PDE4D: variants seen among roughly 807,000 people sequenced by gnomAD.
The protein encoded by PDE4D is phosphodiesterase 4D.
PDE4D carries 24 observed loss-of-function variants against 87.4 expected under a neutral mutation model. The observed-to-expected ratio is 0.27, with a 90% CI of 0.20 to 0.39. PDE4D has a LOEUF of 0.39. Among genes scored for constraint, PDE4D ranks in the 10% least tolerant of loss-of-function variants. The pLI is 1.00. For missense variants in PDE4D, 714 were observed against 1,041.0 expected (o/e 0.69, Z 4.32); for synonymous variants, 384 against 383.2 (o/e 1.00, Z -0.02).
intron 2 of PDE4D, among the ~76,000 whole-genome samples, chr5:60,047,111 C>A (rs1769373284): frequency 1.3e-5 from 2 of 152,072 alleles, no homozygotes; most frequent in South Asian, 4.1e-4. Flanking sequence ...TGTGTGTGTC[C>A]AGGAATTTAT....
intron 1 of PDE4D, chr5:59,357,059 C>A (rs960628894): frequency 1.5e-5 from 7 of 463,358 alleles, no homozygotes; most frequent in Middle Eastern, 5.4e-4. Flanking sequence ...TGACACTTGG[C>A]CTTTGCGACA....
chr5:59,105,226 C>T (rs1028011406), intron 5 of PDE4D, among the ~76,000 whole-genome samples: 11 of 152,148 alleles, frequency 7.2e-5, no homozygotes, highest in Non-Finnish European at 1.3e-4. Flanking sequence ...TATGAGAAAC[C>T]GGGGCAGCAA....
chr5:59,280,145 AATATG>A (rs1765558010), intron 1 of PDE4D, among the ~76,000 whole-genome samples: 1 of 152,094 alleles, frequency 6.6e-6, no homozygotes, highest in African/African-American at 2.4e-5. Context: ...TTAGCCATAA[AATATG>A]ATAAGGTCTT....
At chr5:59,233,239 G>A (rs1344513583) in intron 1 of PDE4D, among the ~76,000 whole-genome samples, 5 of 151,988 alleles carry the variant, frequency 3.3e-5, no homozygotes, top group South Asian at 2.1e-4. Context: ...AATTTGTCTC[G>A]GTCATTATAC....
intron 1 of PDE4D, among the ~76,000 whole-genome samples, chr5:59,286,732 G>A (rs1281395081): frequency 6.6e-6 from 1 of 151,950 alleles, no homozygotes; most frequent in African/African-American, 2.4e-5. Context: ...ACATTCCCTG[G>A]CAACTACTAA....
At chr5:59,653,453 G>A (rs1411356178) in intron 1 of PDE4D, among the ~76,000 whole-genome samples, 1 of 152,126 alleles carries the variant, frequency 6.6e-6, no homozygotes, top group Non-Finnish European at 1.5e-5. Context: ...TTTTATGTGA[G>A]ACTGTAATGT....
intron 1 of PDE4D, among the ~76,000 whole-genome samples, chr5:59,778,606 C>G (rs1463514687): frequency 6.6e-6 from 1 of 152,116 alleles, no homozygotes; most frequent in Non-Finnish European, 1.5e-5. Context: ...GGAAATCAAC[C>G]TATGACAAAG....
intron 1 of PDE4D, among the ~76,000 whole-genome samples, chr5:59,816,639 C>T (rs1197950532): frequency 1.3e-5 from 2 of 152,166 alleles, no homozygotes; most frequent in African/African-American, 4.8e-5. Context: ...TGGCTGTTAC[C>T]TAAGCCATTC....
chr5:59,716,142 G>A (rs1754985714), intron 1 of PDE4D, among the ~76,000 whole-genome samples: 2 of 152,248 alleles, frequency 1.3e-5, no homozygotes, highest in African/African-American at 4.8e-5. Flanking sequence ...GGTCCAGCAT[G>A]ACTCAGTGAG....
At chr5:60,447,806 G>A (rs995480757) in intron 1 of PDE4D, among the ~76,000 whole-genome samples, 2 of 152,126 alleles carry the variant, frequency 1.3e-5, no homozygotes, top group Admixed American at 6.5e-5. Context: ...TCCCTTCATC[G>A]GCAGCGAGAA....
In PDE4D at chr5:59,012,429, A is replaced by G. The variant is rs1753018927; in HGVS notation, c.922-18964T>C. Among the ~76,000 whole-genome samples, 2 of 152,238 alleles carry G rather than the reference A, an allele frequency of 1.3e-5. 1 individual carries two copies. The highest frequency in any genetic ancestry group is 2.9e-5 in the Non-Finnish European group (2 of 68,050). ...ACCCATCTCACATGCAGAGAGACAC[A>G]TAGGCTCAAAATAAAGGGATGGAGG... On this transcript the variant is annotated intron_variant, in intron 6 of 14. Transcript: ENST00000340635.
intron 1 of PDE4D, among the ~76,000 whole-genome samples, chr5:59,863,759 T>G (rs955749081): frequency 1.3e-5 from 2 of 152,320 alleles, no homozygotes; most frequent in South Asian, 2.1e-4. Flanking sequence ...AAGTACCAGA[T>G]ATTTTTAGTT....
intron 5 of PDE4D, among the ~76,000 whole-genome samples, chr5:59,159,217 C>T (rs1780674249): frequency 6.6e-6 from 1 of 152,104 alleles, no homozygotes; most frequent in Non-Finnish European, 1.5e-5. Context: ...CAGCCTAGAC[C>T]TCTTGGGCTC....
intron 1 of PDE4D, among the ~76,000 whole-genome samples, chr5:59,829,145 A>G (rs1199063771): frequency 7.4e-5 from 3 of 40,274 alleles, no homozygotes. Context: ...ATACTTATCT[A>G]CACACACACA....
At chr5:59,738,518 A>T (rs907233736) in intron 1 of PDE4D, among the ~76,000 whole-genome samples, 2 of 152,092 alleles carry the variant, frequency 1.3e-5, no homozygotes, top group African/African-American at 2.4e-5. Context: ...ATTCAAGAAC[A>T]TACTCAAGAA....
chr5:59,534,866 T>C (rs892815977), intron 1 of PDE4D, among the ~76,000 whole-genome samples: 1 of 152,040 alleles, frequency 6.6e-6, no homozygotes, highest in African/African-American at 2.4e-5. Context: ...AAAGCAGTAG[T>C]GGTGGTGATG....
At chr5:60,126,016 G>A (rs1011306524) in intron 2 of PDE4D, among the ~76,000 whole-genome samples, 1 of 152,124 alleles carries the variant, frequency 6.6e-6, no homozygotes, top group African/African-American at 2.4e-5. Context: ...AAGAGAAATA[G>A]TTGGGGGCAT....
At chr5:59,098,553 A>C (rs948723860) in intron 5 of PDE4D, among the ~76,000 whole-genome samples, 14 of 151,758 alleles carry the variant, frequency 9.2e-5, no homozygotes, top group South Asian at 2.1e-4. Context: ...AAAAAAAAAA[A>C]AATTGCTGGG....
intron 2 of PDE4D, among the ~76,000 whole-genome samples, chr5:59,202,471 T>A (rs1747717894): frequency 6.6e-6 from 1 of 152,160 alleles, no homozygotes; most frequent in South Asian, 2.1e-4. Flanking sequence ...CAAGTGATCC[T>A]CTCACTTCAG....
Sources: allele counts gnomAD v4.1 joint callset (sites outside exome capture counted in the v4.1 genomes callset), GRCh38; gene constraint gnomAD v4.1.1; transcripts MANE v1.5; gene names NCBI Gene and HGNC (gene_info 2026-07-23, HGNC 2026-07-21).